ANKRD55: variants seen among roughly 807,000 people sequenced by gnomAD.
ANKRD55 encodes ankyrin repeat domain 55.
In ANKRD55, 41 loss-of-function variants were observed where a neutral mutation model predicts 60.6. That is an observed-to-expected ratio of 0.68 (90% CI 0.53 to 0.88). The LOEUF is 0.88. Among genes scored for constraint, ANKRD55 ranks in the 40% least tolerant of loss-of-function variants. The probability of loss-of-function intolerance (pLI) is 0.00; values close to 1 mark genes in which losing one functional copy is unlikely to be tolerated. For synonymous variants in ANKRD55, 264 were observed against 290.3 expected (o/e 0.91, Z 0.92); for missense variants, 732 against 767.6 (o/e 0.95, Z 0.55).
At chr5:56,149,563 T>G (rs1341038122) in intron 6 of ANKRD55, among the ~76,000 whole-genome samples, 1 of 152,210 alleles carries the variant, frequency 6.6e-6, no homozygotes, top group Non-Finnish European at 1.5e-5. Flanking sequence ...TCTACATTCT[T>G]CTGCACTAAA....
intron 2 of ANKRD55, among the ~76,000 whole-genome samples, chr5:56,223,075 AG>A: frequency 1.3e-5 from 2 of 152,334 alleles, no homozygotes; most frequent in African/African-American, 4.8e-5. Flanking sequence ...GTTGAAATGA[AG>A]GAAAAAATGT....
intron 7 of ANKRD55, among the ~76,000 whole-genome samples, chr5:56,130,548 C>T (rs1424154469): frequency 1.3e-5 from 2 of 152,190 alleles, no homozygotes; most frequent in Non-Finnish European, 2.9e-5. Flanking sequence ...GCGCTATTTA[C>T]AGGAGTTCCT....
In ANKRD55 at chr5:56,136,685, C is replaced by T. The variant is rs150138572; in HGVS notation, c.612+7116G>A. On this transcript the variant is annotated intron_variant, in intron 7 of 11. Transcript: ENST00000341048. ...CCTGTAATCCCAGCACTTTGGGAGGCTAGGGTGGGAGGATCACTTGAGTCC... is the reference window on the plus strand; with the variant it reads ...CCTGTAATCCCAGCACTTTGGGAGGTTAGGGTGGGAGGATCACTTGAGTCC... 3.5e-3 allele frequency among the ~76,000 whole-genome samples: 528 copies of T among 152,184 alleles called. 3 individuals are homozygous for T. The highest frequency in any genetic ancestry group is 0.012 in the African/African-American group (505 of 41,520).
intron 6 of ANKRD55, among the ~76,000 whole-genome samples, chr5:56,155,497 T>C (rs748690180): frequency 4.6e-5 from 7 of 152,078 alleles, no homozygotes; most frequent in Non-Finnish European, 7.4e-5. Flanking sequence ...GTTTGGGAAA[T>C]TTGGGTGTTA....
chr5:56,230,609 T>G (rs73118095), intron 2 of ANKRD55, among the ~76,000 whole-genome samples: 2,151 of 152,314 alleles, frequency 0.014, 60 homozygotes, highest in African/African-American at 0.049. Flanking sequence ...TCCAACAATA[T>G]AGTATTTAAA....
intron 10 of ANKRD55, among the ~76,000 whole-genome samples, chr5:56,108,593 C>A (rs376526183): frequency 6.4e-4 from 97 of 152,266 alleles, no homozygotes; most frequent in African/African-American, 2.2e-3. Flanking sequence ...AATATGTATA[C>A]AAATATGAGT....
intron 2 of ANKRD55, among the ~76,000 whole-genome samples, chr5:56,218,461 C>T (rs192608485): frequency 8.5e-5 from 13 of 152,286 alleles, no homozygotes; most frequent in East Asian, 5.8e-4. Context: ...CCATCAACAT[C>T]GAGGCAAGAC....
At chr5:56,170,854 T>C (rs1580999015) in intron 4 of ANKRD55, 51 bp from the exon 5 acceptor site, 1 of 1,516,842 alleles carries the variant, frequency 6.6e-7, no homozygotes, top group African/African-American at 1.4e-5. Flanking sequence ...TCACGTAACA[T>C]GGTCCAACAA....
intron 2 of ANKRD55, among the ~76,000 whole-genome samples, chr5:56,218,499 G>C (rs572346393): frequency 6.6e-6 from 1 of 152,272 alleles, no homozygotes; most frequent in South Asian, 2.1e-4. Context: ...ATGGCTGAAG[G>C]CTCAGATGAT....
Position 56,159,911 on chromosome 5 carries a change from G to A in ANKRD55, c.423-18C>T. The A allele has an allele frequency of 6.2e-7, 1 of 1,611,636 alleles. No homozygotes were observed. The highest frequency in any genetic ancestry group is 2.2e-5 in the East Asian group (1 of 44,848). On this transcript the variant is annotated intron_variant, in intron 5 of 11. Coordinates refer to ENST00000341048, the MANE Select transcript of ANKRD55 (RefSeq NM_024669.3). Reference sequence around the variant, plus strand: ...TGAGGAGCCTGTAAGGAAAAAATAGGAGAAATGGCTCAAAATAACAGGCAG... The same window carrying A: ...TGAGGAGCCTGTAAGGAAAAAATAGAAGAAATGGCTCAAAATAACAGGCAG...
intron 4 of ANKRD55, among the ~76,000 whole-genome samples, chr5:56,171,742 C>T (rs981841525): frequency 4.6e-5 from 7 of 152,150 alleles, no homozygotes; most frequent in African/African-American, 7.2e-5. Context: ...TTCCTACATT[C>T]GCGTCTAGGT....
chr5:56,139,485 A>G (rs577834444), intron 7 of ANKRD55, among the ~76,000 whole-genome samples: 3 of 152,336 alleles, frequency 2.0e-5, no homozygotes, highest in African/African-American at 7.2e-5. Flanking sequence ...GCTTTGAGAA[A>G]TAAGAAAGAA....
intron 10 of ANKRD55, 194 bp downstream of exon 10, chr5:56,110,924 G>A (rs1004614747): frequency 1.6e-6 from 1 of 623,260 alleles, no homozygotes; most frequent in Non-Finnish European, 2.8e-6. Context: ...ACTTGAAGAG[G>A]GGAGAAGCAG....
chr5:56,129,342 G>A (rs1271026194), intron 7 of ANKRD55, among the ~76,000 whole-genome samples: 1 of 152,156 alleles, frequency 6.6e-6, no homozygotes, highest in Non-Finnish European at 1.5e-5. Context: ...TTCTTAAGGA[G>A]CTCTAGAATT....
intron 5 of ANKRD55, among the ~76,000 whole-genome samples, chr5:56,165,282 C>G (rs958356824): frequency 3.9e-5 from 6 of 152,182 alleles, no homozygotes; most frequent in Admixed American, 6.5e-5. Flanking sequence ...TGCAGTAAAC[C>G]TGTGTGCCCG....
chr5:56,161,757 G>A (rs1394936491), intron 5 of ANKRD55, among the ~76,000 whole-genome samples: 1 of 152,194 alleles, frequency 6.6e-6, no homozygotes, highest in East Asian at 1.9e-4. Context: ...AGGATTGAGT[G>A]ATCCAACAGG....
intron 5 of ANKRD55, chr5:56,161,992 GCTT>G: frequency 1.0e-6 from 1 of 985,384 alleles, no homozygotes; most frequent in Non-Finnish European, 1.2e-6. Context: ...TTGTGACTGT[GCTT>G]CTCCTTTCTT....
At chr5:56,201,457 A>G (rs1759378497) in intron 2 of ANKRD55, among the ~76,000 whole-genome samples, 1 of 152,226 alleles carries the variant, frequency 6.6e-6, no homozygotes, top group African/African-American at 2.4e-5. Flanking sequence ...TTTCAAATAT[A>G]TCAGGTGACA....
At chr5:56,215,318 C>A (rs1759777166) in intron 2 of ANKRD55, among the ~76,000 whole-genome samples, 1 of 152,224 alleles carries the variant, frequency 6.6e-6, no homozygotes, top group African/African-American at 2.4e-5. Context: ...TAACCTCTTT[C>A]TCCTCCTCCT....
Sources: gnomAD v4.1 joint callset for allele counts (sites outside exome capture counted in the v4.1 genomes callset) on GRCh38, gnomAD v4.1.1 for gene constraint, MANE v1.5 for transcripts, NCBI Gene and HGNC (gene_info 2026-07-23, HGNC 2026-07-21) for gene names.